Variants in SANBR observed in about 807,000 individuals in gnomAD.
SANBR encodes SANT and BTB domain regulator of class switch recombination.
SANBR carries 77 observed loss-of-function variants against 101.8 expected under a neutral mutation model. The ratio of observed to expected loss-of-function variants is 0.76; its 90% CI spans 0.63 to 0.91. The LOEUF (loss-of-function observed/expected upper bound fraction) is 0.91. Ranked by LOEUF, SANBR falls within the 40% of genes least tolerant of loss-of-function variation. The pLI is 0.00. For missense variants in SANBR, 875 were observed against 853.0 expected (o/e 1.03, Z -0.32); for synonymous variants, 279 against 274.7 (o/e 1.02, Z -0.15).
chr2:61,134,308 T>A, intron 21 of SANBR: 2 of 1,528,018 alleles, frequency 1.3e-6, no homozygotes, highest in East Asian at 4.9e-5. Flanking sequence ...CTATTATTAG[T>A]AGACCACATG....
downstream of SANBR, among the ~76,000 whole-genome samples, chr2:61,126,066 T>C (rs1250053606): frequency 1.3e-5 from 2 of 152,182 alleles, no homozygotes; most frequent in East Asian, 3.8e-4. Context: ...GTACTTGGAG[T>C]ACCAGTAGGT....
chr2:61,097,923 G>C, intron 12 of SANBR, 71 bp downstream of exon 12: 1 of 1,256,434 alleles, frequency 8.0e-7, no homozygotes, highest in Admixed American at 2.2e-5. Flanking sequence ...ATGTATAAAA[G>C]ACTTCAAACA....
At chr2:61,066,801 T>C (rs1347786816) in intron 1 of SANBR, among the ~76,000 whole-genome samples, 3 of 152,224 alleles carry the variant, frequency 2.0e-5, no homozygotes, top group Non-Finnish European at 1.5e-5. Flanking sequence ...ACTAGTCTTC[T>C]TAATTAATAC....
At chr2:61,130,231 T>C (rs993609964) in intron 20 of SANBR, among the ~76,000 whole-genome samples, 1 of 152,122 alleles carries the variant, frequency 6.6e-6, no homozygotes, top group African/African-American at 2.4e-5. Context: ...CAGTTGTTGC[T>C]CCAGGCAACA....
intron 10 of SANBR, among the ~76,000 whole-genome samples, chr2:61,090,269 TG>T (rs1313318244): frequency 6.6e-6 from 1 of 152,210 alleles, no homozygotes; most frequent in African/African-American, 2.4e-5. Flanking sequence ...ATTTTCTTTT[TG>T]TTGTTCTTTT....
intron 13 of SANBR, among the ~76,000 whole-genome samples, chr2:61,104,327 A>G (rs1683440752): frequency 6.6e-6 from 1 of 151,966 alleles, no homozygotes; most frequent in African/African-American, 2.4e-5. Context: ...CTAAAACTAC[A>G]AAAAATTAGC....
Position 61,103,898 on chromosome 2 carries a change from G to A in SANBR, c.1411G>A (p.Glu471Lys), listed in dbSNP as rs1357886083. The stretch of plus-strand genomic sequence containing the variant: ...CATGGTTACACTTCGTGATCAAGGT[G>A]AAGGCGGAGATTTGCCGTCCTGTCC... Reference protein sequence around the residue: ...DHMVTLRDQGEGGDLPSCPTA... With the variant: ...DHMVTLRDQGKGGDLPSCPTA... Residue 471 changes from glutamate (E) to lysine (K), a missense_variant, in exon 13 of 22, where the codon GAA (glutamate) becomes AAA (lysine). Physicochemically the swap from Glu to Lys is moderately conservative, Grantham distance 56. Transcript: ENST00000402291. 1.9e-6 allele frequency: 3 copies of A among 1,614,108 alleles called. No homozygotes were observed. Among genetic ancestry groups the A allele is most frequent in the Admixed American group, 1.7e-5 (1 of 60,012 alleles).
chr2:61,128,452 C>G (rs946631490), downstream of SANBR, among the ~76,000 whole-genome samples: 1 of 151,852 alleles, frequency 6.6e-6, no homozygotes, highest in African/African-American at 2.4e-5. Flanking sequence ...GCTAAGAGTT[C>G]AAGACCAGCC....
chr2:61,105,338 C>A (rs1314293769), intron 13 of SANBR, among the ~76,000 whole-genome samples: 3 of 151,834 alleles, frequency 2.0e-5, no homozygotes, highest in East Asian at 2.0e-4. Flanking sequence ...TGCATTCCAG[C>A]CTGGGTGACA....
At chr2:61,101,481 C>G (rs566008159) in intron 12 of SANBR, among the ~76,000 whole-genome samples, 1 of 152,330 alleles carries the variant, frequency 6.6e-6, no homozygotes, top group East Asian at 1.9e-4. Flanking sequence ...CGCCTGTAAT[C>G]CCAGCACTTT....
intron 21 of SANBR, chr2:61,134,304 TTAG>T: frequency 6.5e-7 from 1 of 1,530,706 alleles, no homozygotes. Context: ...TTAGCTATTA[TTAG>T]TAGACCACAT....
Position 61,070,407 on chromosome 2 carries a change from A to G in SANBR, c.57A>G (p.Val19=). ...TCCTGAACAATAATAACCAAATGGT[A>G]TTGGACATGATCCTTTATCCATTAA... The part of the protein sequence containing the change: ...NNFLNNNNQM[V]LDMILYPLIG... The change falls in exon 3 of 22, where the codon GTA becomes GTG. Residue 19 remains valine (V), a synonymous_variant. Coordinates refer to ENST00000402291, the MANE Select transcript of SANBR (RefSeq NM_001129993.3). 1 of 1,601,958 alleles carries G rather than the reference A, an allele frequency of 6.2e-7. No individual in the cohort carries two copies. Among genetic ancestry groups the G allele is most frequent in the Non-Finnish European group, 8.5e-7 (1 of 1,174,792 alleles).
chr2:61,089,089 C>G (rs1573615302), intron 10 of SANBR: 2 of 981,714 alleles, frequency 2.0e-6, no homozygotes, highest in African/African-American at 3.5e-5. Context: ...TTTTAGTTAT[C>G]TGTACAAATG....
intron 4 of SANBR, among the ~76,000 whole-genome samples, chr2:61,072,227 C>T (rs980039820): frequency 6.6e-6 from 1 of 152,120 alleles, no homozygotes; most frequent in African/African-American, 2.4e-5. Context: ...ACGTGAGCTA[C>T]TGCACCTGGC....
chr2:61,082,176 C>G (rs1682169349), intron 7 of SANBR, among the ~76,000 whole-genome samples: 1 of 152,092 alleles, frequency 6.6e-6, no homozygotes, highest in Non-Finnish European at 1.5e-5. Flanking sequence ...TTCCTGTATT[C>G]TTTCTACTCC....
At chr2:61,109,681 G>GTTTTTT (rs1297359773) in intron 16 of SANBR, among the ~76,000 whole-genome samples, 8 of 124,806 alleles carry the variant, frequency 6.4e-5, no homozygotes, top group East Asian at 2.2e-4. Flanking sequence ...TTTTGTGTTT[G>GTTTTTT]TTTTTTTTTT....
chr2:61,105,617 C>T (rs1052544905), intron 13 of SANBR, among the ~76,000 whole-genome samples: 7 of 151,878 alleles, frequency 4.6e-5, no homozygotes, highest in African/African-American at 1.7e-4. Context: ...CCACCCGCCT[C>T]TGCCTCCTGA....
At chr2:61,069,832 A>C (rs977699056) in intron 2 of SANBR, 1 of 152,378 alleles carries the variant, frequency 6.6e-6, no homozygotes, top group Admixed American at 6.5e-5. Context: ...AAAATTACTT[A>C]ATTGAATCAT....
intron 5 of SANBR, 76 bp downstream of exon 5, chr2:61,073,627 A>T (rs750001932): frequency 3.7e-6 from 3 of 805,600 alleles, no homozygotes; most frequent in Non-Finnish European, 5.8e-6. Flanking sequence ...GGTGGTTACC[A>T]TAAGGTAGGA....
Sources: gnomAD v4.1 joint callset for allele counts (sites outside exome capture counted in the v4.1 genomes callset) on GRCh38, gnomAD v4.1.1 for gene constraint, MANE v1.5 for transcripts, NCBI Gene and HGNC (gene_info 2026-07-23, HGNC 2026-07-21) for gene names.